Variants in RYR3 observed in about 807,000 individuals in gnomAD.
RYR3 encodes brain ryanodine receptor-calcium release channel.
In RYR3, 207 loss-of-function variants were observed where a neutral mutation model predicts 584.3. That is an observed-to-expected ratio of 0.35 (90% CI 0.32 to 0.40). The LOEUF (loss-of-function observed/expected upper bound fraction) is 0.40, where lower values mean the gene tolerates loss of function less well. Among genes scored for constraint, RYR3 ranks in the 10% least tolerant of loss-of-function variants. The pLI, the probability that RYR3 is intolerant of heterozygous loss-of-function variation, is 1.00. For synonymous variants in RYR3, 2,416 were observed against 2,248.5 expected (o/e 1.07, Z -2.11); for missense variants, 5,616 against 6,089.2 (o/e 0.92, Z 2.59).
At chr15:33,488,295 G>A (rs1333874059) in intron 2 of RYR3, among the ~76,000 whole-genome samples, 1 of 152,130 alleles carries the variant, frequency 6.6e-6, no homozygotes, top group Non-Finnish European at 1.5e-5. Context: ...AGTGGCCCCA[G>A]GTGAATTATG....
At chr15:33,557,925 C>G (rs2057171494) in intron 10 of RYR3, among the ~76,000 whole-genome samples, 1 of 152,138 alleles carries the variant, frequency 6.6e-6, no homozygotes, top group Admixed American at 6.5e-5. Context: ...ATAACCTCTT[C>G]CTTCTTAGAA....
chr15:33,747,256 A>G (rs565320098), intron 53 of RYR3, among the ~76,000 whole-genome samples: 1 of 152,272 alleles, frequency 6.6e-6, no homozygotes, highest in East Asian at 1.9e-4. Flanking sequence ...TTATCTTGCA[A>G]TCTGTAAGAT....
At chr15:33,533,564 C>T (rs572890971) in intron 5 of RYR3, among the ~76,000 whole-genome samples, 175 bp downstream of exon 5, 4 of 152,192 alleles carry the variant, frequency 2.6e-5, no homozygotes, top group South Asian at 4.2e-4. Flanking sequence ...AATGGAAACA[C>T]GGAAACTAAG....
rs370682846 is a variant in RYR3 at position 33,821,356 on chromosome 15, A to G, written c.10902A>G (p.Ile3634Met). 12 of 1,601,200 alleles carry G rather than the reference A, an allele frequency of 7.5e-6. No homozygotes were observed. Among genetic ancestry groups the G allele is most frequent in the Non-Finnish European group, 9.4e-6 (11 of 1,173,866 alleles). Reference protein sequence around the residue: ...RGAAEMVLQMISASKGEMSPM... With the variant: ...RGAAEMVLQMMSASKGEMSPM... The stretch of plus-strand genomic sequence containing the variant: ...CTGCAGAGATGGTCCTTCAGATGAT[A>G]AGCGCTAGCAAAGGTGATTTCCCTA... Residue 3634 changes from isoleucine (I) to methionine (M), a missense_variant, in exon 79 of 104, where the codon ATA (isoleucine) becomes ATG (methionine). Ile to Met is a conservative substitution (Grantham distance 10). Transcript: ENST00000634891.
chr15:33,786,261 T>C (rs1433958003), intron 66 of RYR3, among the ~76,000 whole-genome samples: 1 of 152,202 alleles, frequency 6.6e-6, no homozygotes, highest in Non-Finnish European at 1.5e-5. Context: ...CAATGAGCAT[T>C]GCTTTATTTG....
At chr15:33,800,048 G>A (rs1180343652) in intron 67 of RYR3, among the ~76,000 whole-genome samples, 3 of 152,196 alleles carry the variant, frequency 2.0e-5, no homozygotes, top group Admixed American at 1.3e-4. Flanking sequence ...AGACAGCTTA[G>A]AGAAACGACT....
chr15:33,810,857 C>T (rs2076491300), intron 71 of RYR3, 121 bp from the exon 72 acceptor site: 6 of 1,113,344 alleles, frequency 5.4e-6, no homozygotes, highest in Admixed American at 4.4e-5. Context: ...AATATTTTTT[C>T]TTTTGTTCTT....
chr15:33,567,833 C>G (rs1297015012), intron 12 of RYR3, among the ~76,000 whole-genome samples: 1 of 152,274 alleles, frequency 6.6e-6, no homozygotes, highest in African/African-American at 2.4e-5. Flanking sequence ...GTTATAGGCC[C>G]TCCAGGTAAT....
chr15:33,351,559 C>T (rs1205556666), intron 1 of RYR3, among the ~76,000 whole-genome samples: 3 of 151,504 alleles, frequency 2.0e-5, no homozygotes, highest in African/African-American at 4.9e-5. Flanking sequence ...AGCTTATCCA[C>T]CATGATCAAG....
chr15:33,693,003 T>C (rs997266271), intron 38 of RYR3, among the ~76,000 whole-genome samples: 2 of 152,226 alleles, frequency 1.3e-5, no homozygotes, highest in Non-Finnish European at 2.9e-5. Flanking sequence ...GATCTGATTA[T>C]TGCTTTTCCA....
At chr15:33,472,961 C>A (rs534976547) in intron 1 of RYR3, among the ~76,000 whole-genome samples, 1 of 152,214 alleles carries the variant, frequency 6.6e-6, no homozygotes, top group African/African-American at 2.4e-5. Flanking sequence ...ACATACTTTG[C>A]CTCTTCCACA....
chr15:33,640,186 A>T (rs1173079351), intron 27 of RYR3, among the ~76,000 whole-genome samples: 1 of 152,200 alleles, frequency 6.6e-6, no homozygotes, highest in Non-Finnish European at 1.5e-5. Context: ...AATGAAACTT[A>T]TCTGCAGGAA....
chr15:33,616,498 T>C (rs2060459626), intron 19 of RYR3, among the ~76,000 whole-genome samples: 1 of 152,210 alleles, frequency 6.6e-6, no homozygotes, highest in South Asian at 2.1e-4. Context: ...CAGCAGATCA[T>C]GCAGCCTTCT....
At position 33,652,817 on chromosome 15, in the gene RYR3, C is replaced by A. The variant is rs747806695; in HGVS notation, c.4242C>A (p.Leu1414=). ...ACGTGGACCTGGAGATCGGCTGTCT[C>A]GTGGATCTGGCCATGGGCATGTTGT... ...RSNVDLEIGC[L]VDLAMGMLSF... is the part of the protein sequence containing the mutation. Residue 1414 remains leucine (L), a synonymous_variant, in exon 32 of 104, where the codon CTC becomes CTA. Coordinates refer to ENST00000634891, the MANE Select transcript of RYR3 (RefSeq NM_001036.6). 1.2e-6 allele frequency: 2 copies of A among 1,613,878 alleles called. No individual in the cohort carries two copies. The highest frequency in any genetic ancestry group is 1.7e-6 in the Non-Finnish European group (2 of 1,179,826).
chr15:33,850,894 T>G (rs1319988701), intron 94 of RYR3: 2 of 152,208 alleles, frequency 1.3e-5, no homozygotes, highest in Non-Finnish European at 2.9e-5. Flanking sequence ...TCAGTGATAT[T>G]AGTGATATTC....
At chr15:33,812,675 A>T (rs933753416) in intron 72 of RYR3, among the ~76,000 whole-genome samples, 188 bp from the exon 73 acceptor site, 3 of 152,220 alleles carry the variant, frequency 2.0e-5, no homozygotes, top group African/African-American at 7.2e-5. Flanking sequence ...ATTAAGAGAC[A>T]TAGGAGTTAG....
At chr15:33,603,059 G>C (rs1014299123) in intron 17 of RYR3, 64 bp from the exon 18 acceptor site, 2 of 1,580,960 alleles carry the variant, frequency 1.3e-6, no homozygotes, top group African/African-American at 2.7e-5. Context: ...CCTATGGTCT[G>C]GTTCAACTTG....
chr15:33,322,093 A>T (rs527511526), intron 1 of RYR3, among the ~76,000 whole-genome samples: 6 of 152,354 alleles, frequency 3.9e-5, no homozygotes, highest in African/African-American at 1.4e-4. Flanking sequence ...TGCTATGAAG[A>T]TGTCACACAT....
chr15:33,757,823 A>G (rs2072004045), intron 60 of RYR3: 2 of 558,682 alleles, frequency 3.6e-6, no homozygotes, highest in African/African-American at 3.8e-5. Flanking sequence ...AAAGATGTAT[A>G]TAATTAAATC....
Sources: allele counts gnomAD v4.1 joint callset (sites outside exome capture counted in the v4.1 genomes callset), GRCh38; gene constraint gnomAD v4.1.1; transcripts MANE v1.5; gene names NCBI Gene and HGNC (gene_info 2026-07-23, HGNC 2026-07-21).